Variants in DCUN1D4 observed in about 807,000 individuals in gnomAD.
The protein encoded by DCUN1D4 is defective in cullin neddylation 1 domain containing 4.
DCUN1D4 carries 22 observed loss-of-function variants against 47.9 expected under a neutral mutation model. The observed-to-expected ratio is 0.46, with a 90% CI of 0.33 to 0.66. The LOEUF (loss-of-function observed/expected upper bound fraction) is 0.66. Ranked by LOEUF, DCUN1D4 falls within the 30% of genes least tolerant of loss-of-function variation. The pLI, the probability that DCUN1D4 is intolerant of heterozygous loss-of-function variation, is 0.02. For missense variants in DCUN1D4, 301 were observed against 340.8 expected (o/e 0.88, Z 0.92); for synonymous variants, 121 against 112.2 (o/e 1.08, Z -0.50).
At chr4:51,859,649 A>AAC (rs1724717971) in intron 1 of DCUN1D4, among the ~76,000 whole-genome samples, 1 of 149,888 alleles carries the variant, frequency 6.7e-6, no homozygotes, top group Admixed American at 6.6e-5. Flanking sequence ...AAAAAAAAAA[A>AAC]AAAAAAAAAA....
At chr4:51,867,077 C>T (rs562056737) in intron 3 of DCUN1D4, among the ~76,000 whole-genome samples, 1 of 152,344 alleles carries the variant, frequency 6.6e-6, no homozygotes, top group South Asian at 2.1e-4. Context: ...ATGCTGGCTG[C>T]TGCAGTGGGG....
At chr4:51,883,203 A>G (rs1217165500) in intron 5 of DCUN1D4, among the ~76,000 whole-genome samples, 2 of 152,232 alleles carry the variant, frequency 1.3e-5, no homozygotes, top group Non-Finnish European at 1.5e-5. Flanking sequence ...AATTACAAGT[A>G]CCTCACAAAC....
At chr4:51,867,417 C>T (rs938951310) in intron 3 of DCUN1D4, among the ~76,000 whole-genome samples, 1 of 152,208 alleles carries the variant, frequency 6.6e-6, no homozygotes, top group Admixed American at 6.5e-5. Context: ...TTTGGTGGAT[C>T]CTGAGTTCTT....
chr4:51,891,826 T>C lies in DCUN1D4; in HGVS notation c.481T>C (p.Trp161Arg). ...CATGGGTTATTTTACTCTACAGGAGTGGTTAAAAGGAATGACTTCTCTCCA... is the reference window on the plus strand; with the variant it reads ...CATGGGTTATTTTACTCTACAGGAGCGGTTAAAAGGAATGACTTCTCTCCA... ...QNMGYFTLQE[W>R]LKGMTSLQCD... is the part of the protein sequence containing the mutation. Residue 161 changes from tryptophan (W) to arginine (R), a missense_variant, in exon 7 of 11, where the codon TGG becomes CGG. Coordinates refer to ENST00000334635, the MANE Select transcript of DCUN1D4 (RefSeq NM_001040402.3). 1.2e-6 allele frequency: 2 copies of C among 1,610,844 alleles called. No homozygotes were observed. Among genetic ancestry groups the C allele is most frequent in the African/African-American group, 1.3e-5 (1 of 74,610 alleles).
chr4:51,909,476 T>C, intron 8 of DCUN1D4: 1 of 158,756 alleles, frequency 6.3e-6, no homozygotes, highest in East Asian at 1.8e-4. Flanking sequence ...TTCCATTTGC[T>C]TGCACAGTGT....
intron 4 of DCUN1D4, among the ~76,000 whole-genome samples, chr4:51,876,987 C>T (rs1727817356): frequency 6.6e-6 from 1 of 152,110 alleles, no homozygotes; most frequent in Non-Finnish European, 1.5e-5. Flanking sequence ...GCCTCCTCTT[C>T]CCTCTCCATG....
the DCUN1D4 span, among the ~76,000 whole-genome samples, chr4:51,834,103 C>CTTTTTTTTTTTTTTTTTTT: frequency 1.7e-3 from 71 of 42,566 alleles, 9 homozygotes; most frequent in East Asian, 3.4e-3. Flanking sequence ...TTTCTTCTTT[C>CTTTTTTTTTTTTTTTTTTT]TTTTTTTTTT....
intron 3 of DCUN1D4, among the ~76,000 whole-genome samples, chr4:51,868,977 G>A (rs1726409920): frequency 6.6e-6 from 1 of 151,940 alleles, no homozygotes; most frequent in Non-Finnish European, 1.5e-5. Context: ...AATTAGCTGG[G>A]CATGGTGGTG....
upstream of DCUN1D4, among the ~76,000 whole-genome samples, chr4:51,838,923 C>T (rs2089181): frequency 6.6e-6 from 1 of 151,760 alleles, no homozygotes; most frequent in South Asian, 2.1e-4. Context: ...AAAAACACAA[C>T]AATTAGTCGG....
intron 9 of DCUN1D4, 28 bp downstream of exon 9, chr4:51,911,202 A>G (rs781689129): frequency 6.3e-6 from 10 of 1,580,058 alleles, no homozygotes; most frequent in South Asian, 3.4e-5. Flanking sequence ...TATGAAATGT[A>G]TGTTTGCTTG....
At position 51,915,624 on chromosome 4, in the gene DCUN1D4, C is replaced by A. The variant is rs1734256591; in HGVS notation, c.*2040C>A. The A allele has an allele frequency of 6.6e-6, 1 of 152,554 alleles. No homozygotes were observed. The highest frequency in any genetic ancestry group is 2.4e-5 in the African/African-American group (1 of 41,452). 9.5% of individuals were successfully genotyped at this position (152,554 alleles called of 1,614,324 possible). On this transcript the variant is annotated 3_prime_UTR_variant, in exon 11 of 11. Coordinates refer to ENST00000334635, the MANE Select transcript of DCUN1D4 (RefSeq NM_001040402.3). Reference sequence around the variant, plus strand: ...CAACAGGTCATACAGTTCTTTAAATCTGATCAACTGTAGCTTTATTTAAAG... The same window carrying A: ...CAACAGGTCATACAGTTCTTTAAATATGATCAACTGTAGCTTTATTTAAAG...
Position 51,911,114 on chromosome 4 carries a change from G to A in DCUN1D4, c.660G>A (p.Met220Ile), listed in dbSNP as rs369016194. The change falls in exon 9 of 11, where the codon ATG becomes ATA. Residue 220 changes from methionine to isoleucine, a missense_variant. Coordinates refer to ENST00000334635, the MANE Select transcript of DCUN1D4 (RefSeq NM_001040402.3). ...TAGACATAAACACTGCCAAGTGCAT[G>A]TTGGGACTGTTATTAGGAAAAATCT... ...RSLDINTAKC[M>I]LGLLLGKIWP... 16 of 1,613,044 alleles carry A rather than the reference G, an allele frequency of 9.9e-6. No homozygotes were observed. The highest frequency in any genetic ancestry group is 1.3e-5 in the Non-Finnish European group (15 of 1,179,692).
intron 8 of DCUN1D4, among the ~76,000 whole-genome samples, chr4:51,906,127 G>A (rs1732855632): frequency 6.6e-6 from 1 of 152,116 alleles, no homozygotes; most frequent in Non-Finnish European, 1.5e-5. Context: ...CACTCAAGTG[G>A]GAATGGCTTT....
chr4:51,912,110 T>A (rs1219185601), intron 9 of DCUN1D4, among the ~76,000 whole-genome samples: 2 of 152,192 alleles, frequency 1.3e-5, no homozygotes, highest in Non-Finnish European at 2.9e-5. Context: ...AAACTAGTTT[T>A]ACGTAAGTAT....
chr4:51,836,065 T>C, the DCUN1D4 span, among the ~76,000 whole-genome samples: 8 of 152,094 alleles, frequency 5.3e-5, no homozygotes, highest in Admixed American at 5.2e-4. Flanking sequence ...TCAACCAGAC[T>C]CGGGAGGAAA....
At chr4:51,902,842 T>C (rs1236965655) in intron 8 of DCUN1D4, among the ~76,000 whole-genome samples, 1 of 152,164 alleles carries the variant, frequency 6.6e-6, no homozygotes, top group African/African-American at 2.4e-5. Context: ...ATATTTTCAC[T>C]ATTGCCTTAT....
At chr4:51,865,698 A>G (rs1321204313) in intron 3 of DCUN1D4, among the ~76,000 whole-genome samples, 1 of 152,044 alleles carries the variant, frequency 6.6e-6, no homozygotes, top group Non-Finnish European at 1.5e-5. Context: ...TTAATGGTGC[A>G]TTTTGGGGGC....
intron 1 of DCUN1D4, among the ~76,000 whole-genome samples, chr4:51,859,962 G>A (rs969959460): frequency 4.6e-5 from 7 of 152,144 alleles, no homozygotes; most frequent in Non-Finnish European, 2.9e-5. Context: ...TCTCGGTAAA[G>A]CATTTGATCT....
rs545645224 is a variant in DCUN1D4, at chr4:51,874,688, G to A, written c.251+303G>A. On this transcript the variant is annotated intron_variant, in intron 4 of 10. Transcript: ENST00000334635. ...AGCCTTGCTGTCTGTGCCTGCTGAG[G>A]ACCACAGAATTGGTGTCTTGTTCTT... 42 of 249,050 alleles carry A rather than the reference G, an allele frequency of 1.7e-4. No homozygotes were observed. The East Asian group carries it at 4.1e-3, about 24-fold the overall frequency. The allele number at this position is 249,050 out of a possible 1,614,324, so 15.4% of individuals were successfully genotyped here. A position where few individuals can be genotyped will look rare whatever the true frequency, so the allele number is the denominator to read the frequency against.
Sources: gnomAD v4.1 joint callset for allele counts (sites outside exome capture counted in the v4.1 genomes callset) on GRCh38, gnomAD v4.1.1 for gene constraint, MANE v1.5 for transcripts, NCBI Gene and HGNC (gene_info 2026-07-23, HGNC 2026-07-21) for gene names.